The following AGAP1 variants were observed in gnomAD, a reference collection of about 807,000 sequenced individuals.
AGAP1 encodes the protein ArfGAP with GTPase domain, ankyrin repeat and PH domain 1.
AGAP1 carries 29 observed loss-of-function variants against 105.3 expected under a neutral mutation model. The observed-to-expected ratio is 0.28, with a 90% CI of 0.21 to 0.38. The LOEUF (loss-of-function observed/expected upper bound fraction) is 0.38, where lower values mean the gene tolerates loss of function less well. Among genes scored for constraint, AGAP1 ranks in the 10% least tolerant of loss-of-function variants. The pLI is 1.00. For synonymous variants in AGAP1, 509 were observed against 485.9 expected (o/e 1.05, Z -0.63); for missense variants, 998 against 1,165.1 (o/e 0.86, Z 2.09).
In AGAP1 at chr2:235,907,880, C is replaced by T. The variant is rs73128420; in HGVS notation, c.1156-858C>T. Among the ~76,000 whole-genome samples the T allele has an allele frequency of 5.9e-3, 903 of 151,858 alleles. 4 individuals are homozygous for T. Among genetic ancestry groups the T allele is most frequent in the African/African-American group, 0.021 (859 of 41,354 alleles). On this transcript the variant is annotated intron_variant, in intron 10 of 17. Coordinates refer to ENST00000304032, the MANE Select transcript of AGAP1 (RefSeq NM_001037131.3). ...GGGCTGAGTGTATATTCTTTCTTAACGTGTGATATCAAGTAATATGTGTCC... is the reference window on the plus strand; with the variant it reads ...GGGCTGAGTGTATATTCTTTCTTAATGTGTGATATCAAGTAATATGTGTCC...
chr2:235,758,455 C>T (rs958360469), intron 6 of AGAP1, among the ~76,000 whole-genome samples: 2 of 152,122 alleles, frequency 1.3e-5, no homozygotes, highest in South Asian at 4.2e-4. Flanking sequence ...GCCATCATTT[C>T]CCGTTTCTAC....
At chr2:235,802,176 T>C (rs1416923595) in intron 8 of AGAP1, among the ~76,000 whole-genome samples, 1 of 152,078 alleles carries the variant, frequency 6.6e-6, no homozygotes, top group Non-Finnish European at 1.5e-5. Flanking sequence ...GGGAAAGCGA[T>C]TTAGGGTGAA....
At position 235,611,603 on chromosome 2, in the gene AGAP1, C is replaced by T. The variant is rs553439945; in HGVS notation, c.164-97576C>T. On this transcript the variant is annotated intron_variant, in intron 1 of 17. Transcript: ENST00000304032. This position sits in a 1 kb window ranked among gnomAD's most constrained non-coding sequence, Gnocchi z 5.0. The stretch of plus-strand genomic sequence containing the variant: ...TGTGTAATTAGAGAATCCCTCTCCA[C>T]ATGTGTTCTCTGAACAGGGAGCCCA... Among the ~76,000 whole-genome samples the T allele has an allele frequency of 9.3e-4, 142 of 152,232 alleles. No homozygotes were observed. The highest frequency in any genetic ancestry group is 2.9e-3 in the African/African-American group (121 of 41,534).
intron 1 of AGAP1, among the ~76,000 whole-genome samples, chr2:235,683,707 T>C (rs1418561019): frequency 6.6e-6 from 1 of 151,690 alleles, no homozygotes; most frequent in Non-Finnish European, 1.5e-5. Context: ...CTCTTTTTTT[T>C]TTTATTATAT....
intron 2 of AGAP1, among the ~76,000 whole-genome samples, chr2:235,715,510 C>T (rs6751902): frequency 0.036 from 5,505 of 152,200 alleles, 325 homozygotes; most frequent in African/African-American, 0.12. Flanking sequence ...AGTGTTCTTG[C>T]GGCAAGTTCA....
chr2:235,857,008 C>A (rs1012841247), intron 9 of AGAP1, among the ~76,000 whole-genome samples: 2 of 152,106 alleles, frequency 1.3e-5, no homozygotes, highest in Admixed American at 6.5e-5. Flanking sequence ...TTTAATGGGC[C>A]GGGATTTGTG....
At position 236,119,629 on chromosome 2, in the gene AGAP1, C is replaced by T. The variant is rs2059853289; in HGVS notation, c.2115-563C>T. Among the ~76,000 whole-genome samples the T allele has an allele frequency of 6.7e-6, 1 of 150,148 alleles. No homozygotes were observed. The highest frequency in any genetic ancestry group is 6.6e-5 in the Admixed American group (1 of 15,096). ...GTGTCCTATAGCCCTCACTTACAGTCCTGCTTACAGTAAAGCAACTCTCGG... is the reference window on the plus strand; with the variant it reads ...GTGTCCTATAGCCCTCACTTACAGTTCTGCTTACAGTAAAGCAACTCTCGG... On this transcript the variant is annotated intron_variant, in intron 16 of 17. Coordinates refer to ENST00000304032, the MANE Select transcript of AGAP1 (RefSeq NM_001037131.3). The surrounding 1 kb of genome is among the most constrained non-coding windows in gnomAD (Gnocchi z 6.6).
In AGAP1 at chr2:235,612,716, G is replaced by T. The variant is rs1221521001; in HGVS notation, c.164-96463G>T. ...GGGCACAGTGGTCCTTTTGCATGGGGTGGCCGGCCAGGTGTGCTGAGTGCC... is the reference window on the plus strand; with the variant it reads ...GGGCACAGTGGTCCTTTTGCATGGGTTGGCCGGCCAGGTGTGCTGAGTGCC... On this transcript the variant is annotated intron_variant, in intron 1 of 17. Coordinates refer to ENST00000304032, the MANE Select transcript of AGAP1 (RefSeq NM_001037131.3). The surrounding 1 kb of genome is among the most constrained non-coding windows in gnomAD (Gnocchi z 4.3). Among the ~76,000 whole-genome samples, 1 of 150,216 alleles carries T rather than the reference G, an allele frequency of 6.7e-6. No individual in the cohort carries two copies. The highest frequency in any genetic ancestry group is 1.5e-5 in the Non-Finnish European group (1 of 67,656).
Position 235,908,451 on chromosome 2 carries a change from G to C in AGAP1, c.1156-287G>C, listed in dbSNP as rs918389435. Among the ~76,000 whole-genome samples, 1 of 152,110 alleles carries C rather than the reference G, an allele frequency of 6.6e-6. No individual in the cohort carries two copies. The highest frequency in any genetic ancestry group is 1.5e-5 in the Non-Finnish European group (1 of 68,018). On this transcript the variant is annotated intron_variant, in intron 10 of 17. Transcript: ENST00000304032. The surrounding 1 kb of genome is among the most constrained non-coding windows in gnomAD (Gnocchi z 4.4). ...AAGAGTTCAAAAAATCAGATTTTGT[G>C]TGTAGACTTACTTCCTAATGACCCT...
At chr2:236,029,620 C>T (rs570215784) in intron 13 of AGAP1, among the ~76,000 whole-genome samples, 24 of 152,150 alleles carry the variant, frequency 1.6e-4, no homozygotes, top group African/African-American at 3.6e-4. Flanking sequence ...CCCTAGTGGA[C>T]GTCTATTGGT....
Position 235,957,568 on chromosome 2 carries a change from G to A in AGAP1, c.1484-10894G>A, listed in dbSNP as rs990281661. Among the ~76,000 whole-genome samples, 6 of 152,116 alleles carry A rather than the reference G, an allele frequency of 3.9e-5. No individual in the cohort carries two copies. Among genetic ancestry groups the A allele is most frequent in the Non-Finnish European group, 5.9e-5 (4 of 68,024 alleles). Reference sequence around the variant, plus strand: ...GGGGAATTCAAGTCAACCTCCTCCCGCTGAAAGCTCCCGTCAAAAGGACTA... The same window carrying A: ...GGGGAATTCAAGTCAACCTCCTCCCACTGAAAGCTCCCGTCAAAAGGACTA... On this transcript the variant is annotated intron_variant, in intron 12 of 17. Transcript: ENST00000304032. The surrounding 1 kb of genome is among the most constrained non-coding windows in gnomAD (Gnocchi z 4.6).
At chr2:236,091,046 TC>T (rs1164389014) in intron 16 of AGAP1, among the ~76,000 whole-genome samples, 1 of 152,234 alleles carries the variant, frequency 6.6e-6, no homozygotes, top group African/African-American at 2.4e-5. Context: ...CCGTAATCGT[TC>T]CTGGTAAGCA....
chr2:235,813,835 C>T (rs1386280456), intron 9 of AGAP1, among the ~76,000 whole-genome samples: 6 of 152,204 alleles, frequency 3.9e-5, no homozygotes, highest in Non-Finnish European at 7.3e-5. Flanking sequence ...ATGAGTGCAA[C>T]GTTTAATGAG....
At position 236,109,696 on chromosome 2, in the gene AGAP1, C is replaced by T. The variant is rs2059596429; in HGVS notation, c.2115-10496C>T. 6.6e-6 allele frequency among the ~76,000 whole-genome samples: 1 copy of T among 152,166 alleles called. No individual in the cohort carries two copies. Among genetic ancestry groups the T allele is most frequent in the Admixed American group, 6.5e-5 (1 of 15,284 alleles). ...TGCTCTGGACCGGCAGCCGTGGAAACGTTCTGGATCCGAGCATCCCAGGGT... is the reference window on the plus strand; with the variant it reads ...TGCTCTGGACCGGCAGCCGTGGAAATGTTCTGGATCCGAGCATCCCAGGGT... On this transcript the variant is annotated intron_variant, in intron 16 of 17. Coordinates refer to ENST00000304032, the MANE Select transcript of AGAP1 (RefSeq NM_001037131.3). The surrounding 1 kb of genome is among the most constrained non-coding windows in gnomAD (Gnocchi z 5.4).
In AGAP1 at chr2:235,609,734, A is replaced by G. The variant is rs927714247; in HGVS notation, c.164-99445A>G. On this transcript the variant is annotated intron_variant, in intron 1 of 17. Coordinates refer to ENST00000304032, the MANE Select transcript of AGAP1 (RefSeq NM_001037131.3). This position sits in a 1 kb window ranked among gnomAD's most constrained non-coding sequence, Gnocchi z 5.1. ...CTGGAGGTCTTCTGTTTGCTGTTGT[A>G]TGCTGTGGCTCAGAAGTTATGTGGC... Among the ~76,000 whole-genome samples, 2 of 151,962 alleles carry G rather than the reference A, an allele frequency of 1.3e-5. No individual in the cohort carries two copies. Among genetic ancestry groups the G allele is most frequent in the African/African-American group, 4.8e-5 (2 of 41,386 alleles).
intron 6 of AGAP1, among the ~76,000 whole-genome samples, chr2:235,765,910 AG>A (rs1954913139): frequency 6.6e-6 from 1 of 152,218 alleles, no homozygotes; most frequent in Non-Finnish European, 1.5e-5. Flanking sequence ...CCTGACCTCT[AG>A]ATGTGTAGAA....
chr2:235,811,493 A>G (rs1958137690), intron 9 of AGAP1, among the ~76,000 whole-genome samples: 1 of 152,262 alleles, frequency 6.6e-6, no homozygotes, highest in Non-Finnish European at 1.5e-5. Flanking sequence ...AAAAAAGAAT[A>G]GAAGATACCA....
In AGAP1 at chr2:235,930,869, A is replaced by C; in HGVS notation, c.1429A>C (p.Ser477Arg). Reference sequence around the variant, plus strand: ...GCACCAGCGCTCCTACTCAGTCTCCAGTGCCGACCAGTGGAGTGAGGCTAC... The same window carrying C: ...GCACCAGCGCTCCTACTCAGTCTCCCGTGCCGACCAGTGGAGTGAGGCTAC... ...GMHQRSYSVS[S>R]ADQWSEATVI... is the part of the protein sequence containing the mutation. The change falls in exon 12 of 18, where the codon AGT becomes CGT. Residue 477 changes from serine (S) to arginine (R), a missense_variant. By Grantham distance (110) the Ser-to-Arg change is moderately radical. Coordinates refer to ENST00000304032, the MANE Select transcript of AGAP1 (RefSeq NM_001037131.3). The surrounding 1 kb of genome is among the most constrained non-coding windows in gnomAD (Gnocchi z 7.9). 6.2e-7 allele frequency: 1 copy of C among 1,614,096 alleles called. No homozygotes were observed.
intron 4 of AGAP1, among the ~76,000 whole-genome samples, chr2:235,743,487 C>T (rs1178861942): frequency 1.3e-5 from 2 of 152,102 alleles, no homozygotes; most frequent in East Asian, 1.9e-4. Context: ...TTCCGTCAGC[C>T]TTGGTCCTGG....
Sources: gnomAD v4.1 joint callset for allele counts (sites outside exome capture counted in the v4.1 genomes callset) on GRCh38, gnomAD v4.1.1 for gene constraint, Gnocchi (gnomAD v3.1) non-coding constraint, MANE v1.5 for transcripts, NCBI Gene and HGNC (gene_info 2026-07-23, HGNC 2026-07-21) for gene names.